The following EIF2D variants were observed in gnomAD, a reference collection of about 807,000 sequenced individuals.
EIF2D encodes eukaryotic translation initiation factor 2D, also known as hepatocellular carcinoma-associated antigen 56.
EIF2D carries 56 observed loss-of-function variants against 77.4 expected under a neutral mutation model. The ratio of observed to expected loss-of-function variants is 0.72; its 90% CI spans 0.58 to 0.90. EIF2D has a LOEUF of 0.90. Ranked by LOEUF, EIF2D falls within the 40% of genes least tolerant of loss-of-function variation. The pLI, the probability that EIF2D is intolerant of heterozygous loss-of-function variation, is 0.00. For missense variants in EIF2D, 574 were observed against 706.5 expected, an observed-to-expected ratio of 0.81 and a Z score of 2.13; for synonymous variants, 230 against 271.0, an observed-to-expected ratio of 0.85 and a Z score of 1.49.
At chr1:206,612,154 G>A (rs1220632207) in intron 1 of EIF2D, 133 bp downstream of exon 1, 1 of 1,201,540 alleles carries the variant, frequency 8.3e-7, no homozygotes, top group Non-Finnish European at 1.2e-6. Context: ...CTTGCCTCCT[G>A]GGGTCCCTTC....
In EIF2D at chr1:206,591,778, C is replaced by T. The variant is rs1332066864; in HGVS notation, c.1752G>A (p.Lys584=). Residue 584 remains lysine (K), a synonymous_variant, in exon 15 of 15, where the codon AAG becomes AAA. Transcript: ENST00000271764. ...CCACGTGAGACAAAAGAGTCTGTCACTTCTTCTTGCCAGGTTTGAGGGCCT... is the reference window on the plus strand; with the variant it reads ...CCACGTGAGACAAAAGAGTCTGTCATTTCTTCTTGCCAGGTTTGAGGGCCT... The part of the protein sequence containing the change: ...LEKALKPGKK[K] The T allele has an allele frequency of 6.2e-7, 1 of 1,614,034 alleles. No individual in the cohort carries two copies. The highest frequency in any genetic ancestry group is 2.2e-5 in the East Asian group (1 of 44,900).
rs1669048190 is a variant in EIF2D at position 206,584,894 on chromosome 1, C to T, written c.139-3732G>A. 4.9e-6 allele frequency: 3 copies of T among 607,528 alleles called. No individual in the cohort carries two copies. The South Asian group carries it at 6.0e-5, about 12-fold the overall frequency. 37.6% of individuals were successfully genotyped at this position (607,528 alleles called of 1,614,324 possible). ...TCTGCATGTGACTTCAGGAAAACCA[C>T]ACCCTAGGCTCCCATTTCCTGATCT... On this transcript the variant is annotated intron_variant and NMD_transcript_variant, in intron 2 of 5. Coordinates refer to the EIF2D transcript ENST00000472709. This position sits in a 1 kb window ranked among gnomAD's most constrained non-coding sequence, Gnocchi z 4.9.
chr1:206,608,478 A>C, intron 3 of EIF2D, 152 bp from the exon 4 acceptor site: 1 of 641,026 alleles, frequency 1.6e-6, no homozygotes, highest in East Asian at 3.0e-5. Context: ...AACTTCCAAC[A>C]AAAAAATAGT....
Position 206,595,792 on chromosome 1 carries a change from G to T in EIF2D, c.1435C>A (p.Gln479Lys). The T allele has an allele frequency of 6.2e-7, 1 of 1,614,212 alleles. No homozygotes were observed. Among genetic ancestry groups the T allele is most frequent in the Non-Finnish European group, 8.5e-7 (1 of 1,180,016 alleles). The change falls in exon 13 of 15, where the codon CAA becomes AAA. Residue 479 changes from glutamine to lysine, a missense_variant. Transcript: ENST00000271764. ...QPAYQVTLPG[Q>K]EPIVKKGRIC... ...CTCCCTTTCTTCACAATGGGCTCTTGTCCGGGAAGGGTCACTTGATAGGCA... is the reference window on the plus strand; with the variant it reads ...CTCCCTTTCTTCACAATGGGCTCTTTTCCGGGAAGGGTCACTTGATAGGCA...
chr1:206,603,942 C>T (rs1040633675), intron 5 of EIF2D, among the ~76,000 whole-genome samples: 1 of 152,126 alleles, frequency 6.6e-6, no homozygotes, highest in African/African-American at 2.4e-5. Context: ...AGGTAAATAC[C>T]ATAAATATTT....
intron 4 of EIF2D, among the ~76,000 whole-genome samples, chr1:206,574,853 CTTTTTTT>C (rs71570015): frequency 5.8e-5 from 5 of 86,072 alleles, no homozygotes; most frequent in Non-Finnish European, 8.8e-5. Context: ...GGACCAATGA[CTTTTTTT>C]TTTTTTTTTT....
rs1670360575 is a variant in EIF2D, at chr1:206,609,383, C to G, written c.324G>C (p.Gly108=). 6.2e-7 allele frequency: 1 copy of G among 1,614,120 alleles called. No homozygotes were observed. The highest frequency in any genetic ancestry group is 8.5e-7 in the Non-Finnish European group (1 of 1,179,974). The change falls in exon 3 of 15, where the codon GGG becomes GGC. Residue 108 remains glycine (G), a synonymous_variant. Coordinates refer to ENST00000271764, the MANE Select transcript of EIF2D (RefSeq NM_006893.3). ...ATAGGAGAATCCTCTTACCTGCTCC[C>G]CCTACCAGTTTCTCGAGCACCAGAG... The part of the protein sequence containing the change: ...TWPLVLEKLV[G]GADLMLPGLV...
At chr1:206,588,268 G>A (rs1202584889), downstream of EIF2D, 1 of 152,654 alleles carries the variant, frequency 6.6e-6, no homozygotes, top group Non-Finnish European at 1.5e-5. Context: ...ATGGGTTGAG[G>A]GTCACAGACC....
Position 206,602,335 on chromosome 1 carries a change from C to T in EIF2D, c.902+1G>A. ...CCAGCCCACATCAGTGCTTTCCATA[C>T]CAGCAGGAGAACATGTGGCTGCCAA... is the stretch of plus-strand genomic sequence containing the variant. On this transcript the variant is annotated splice_donor_variant, in intron 7 of 14. Transcript: ENST00000271764. LOFTEE classifies it high-confidence loss of function. 1 of 1,613,746 alleles carries T rather than the reference C, an allele frequency of 6.2e-7. No homozygotes were observed. The highest frequency in any genetic ancestry group is 8.5e-7 in the Non-Finnish European group (1 of 1,179,612).
chr1:206,584,978 A>T lies in EIF2D; in HGVS notation c.139-3816T>A. 1.6e-6 allele frequency: 1 copy of T among 609,676 alleles called. No homozygotes were observed. Among genetic ancestry groups the T allele is most frequent in the Non-Finnish European group, 2.9e-6 (1 of 343,930 alleles). The allele number at this position is 609,676 out of a possible 1,614,324, so 37.8% of individuals were successfully genotyped here. A position where few individuals can be genotyped will look rare whatever the true frequency, so the allele number is the denominator to read the frequency against. On this transcript the variant is annotated intron_variant and NMD_transcript_variant, in intron 2 of 5. Coordinates refer to the EIF2D transcript ENST00000472709. This position sits in a 1 kb window ranked among gnomAD's most constrained non-coding sequence, Gnocchi z 4.9. ...ATCTTTCAGGAGATGATGTGAATGGAATCATGCTTTAAACTCTGAGCAGAC... is the reference window on the plus strand; with the variant it reads ...ATCTTTCAGGAGATGATGTGAATGGTATCATGCTTTAAACTCTGAGCAGAC...
chr1:206,582,899 T>A (rs1386479195), intron 2 of EIF2D, among the ~76,000 whole-genome samples: 1 of 152,230 alleles, frequency 6.6e-6, no homozygotes, highest in Non-Finnish European at 1.5e-5. Flanking sequence ...AGAAGCATCT[T>A]TTCCATAGCA....
chr1:206,607,214 T>TA (rs1220872365), intron 4 of EIF2D, among the ~76,000 whole-genome samples: 1 of 151,770 alleles, frequency 6.6e-6, no homozygotes, highest in Admixed American at 6.6e-5. Context: ...AAAGAAAAAT[T>TA]AAAAAAAGAA....
In EIF2D at chr1:206,599,863, G is replaced by A; in HGVS notation, c.949-27C>T. On this transcript the variant is annotated intron_variant, in intron 8 of 14. Transcript: ENST00000271764. This position sits in a 1 kb window ranked among gnomAD's most constrained non-coding sequence, Gnocchi z 4.1. ...TAAGGGAGAGAGGGCCAGTGGTAGGGGACTTCATTGATTCCACACACATAC... is the reference window on the plus strand; with the variant it reads ...TAAGGGAGAGAGGGCCAGTGGTAGGAGACTTCATTGATTCCACACACATAC... The A allele has an allele frequency of 6.2e-7, 1 of 1,603,810 alleles. No individual in the cohort carries two copies. The highest frequency in any genetic ancestry group is 8.5e-7 in the Non-Finnish European group (1 of 1,171,516).
chr1:206,611,374 C>T lies in EIF2D; in HGVS notation c.57G>A (p.Arg19=). Residue 19 remains arginine (R), a splice_region_variant and synonymous_variant, in exon 2 of 15, where the codon AGG becomes AGA. Transcript: ENST00000271764. ...TTGTCACATCAGCTCGAAGCTTTCT[C>T]CTGTGGAAAGCACACCAGCACTGTG... ...KSNTAIKGSD[R]RKLRADVTTA... is the part of the protein sequence containing the mutation. The T allele has an allele frequency of 6.2e-7, 1 of 1,612,614 alleles. No homozygotes were observed. The highest frequency in any genetic ancestry group is 8.5e-7 in the Non-Finnish European group (1 of 1,178,896).
downstream of EIF2D, among the ~76,000 whole-genome samples, chr1:206,589,792 C>A (rs1324414076): frequency 3.9e-5 from 6 of 152,120 alleles, no homozygotes; most frequent in African/African-American, 1.4e-4. Context: ...ATGGAAATAA[C>A]CACATTAAAT....
chr1:206,593,486 A>T (rs868945450), intron 14 of EIF2D, 133 bp downstream of exon 14: 7 of 479,222 alleles, frequency 1.5e-5, no homozygotes, highest in Admixed American at 4.3e-5. Context: ...AGAGAGAGAG[A>T]GCGAGAGAGA....
intron 4 of EIF2D, among the ~76,000 whole-genome samples, chr1:206,607,363 C>T (rs551026599): frequency 8.5e-5 from 13 of 152,282 alleles, no homozygotes; most frequent in African/African-American, 2.4e-4. Flanking sequence ...GAAGGACACA[C>T]ATCAAAATGA....
intron 11 of EIF2D, among the ~76,000 whole-genome samples, chr1:206,597,759 A>T (rs1161840055): frequency 1.3e-5 from 2 of 152,178 alleles, no homozygotes; most frequent in Non-Finnish European, 2.9e-5. Context: ...AGCCTGGCCA[A>T]CATGGTGAAA....
intron 14 of EIF2D, 119 bp downstream of exon 14, chr1:206,593,500 A>C (rs1415118948): frequency 2.5e-5 from 11 of 433,350 alleles, no homozygotes; most frequent in Admixed American, 5.7e-5. Flanking sequence ...AGAGAGAGAG[A>C]GAGAGAGAGT....
Sources: allele counts gnomAD v4.1 joint callset (sites outside exome capture counted in the v4.1 genomes callset), GRCh38; gene constraint gnomAD v4.1.1; non-coding constraint Gnocchi (gnomAD v3.1); transcripts MANE v1.5; gene names NCBI Gene and HGNC (gene_info 2026-07-23, HGNC 2026-07-21).